The following ATP1A1 variants were observed in gnomAD, a reference collection of about 807,000 sequenced individuals.
ATP1A1 encodes the protein ATPase Na+/K+ transporting subunit alpha 1, also known as sodium/potassium-transporting ATPase subunit alpha-1.
A neutral mutation model predicts 114.8 loss-of-function variants in ATP1A1; 14 were observed. That is an observed-to-expected ratio of 0.12 (90% CI 0.08 to 0.19). The LOEUF is 0.19. Among genes scored for constraint, ATP1A1 ranks in the 10% least tolerant of loss-of-function variants. ATP1A1 has a pLI of 1.00. For missense variants in ATP1A1, 524 were observed against 1,290.7 expected, an observed-to-expected ratio of 0.41 and a Z score of 9.10; for synonymous variants, 471 against 466.3, an observed-to-expected ratio of 1.01 and a Z score of -0.13.
At chr1:116,402,731 C>CT (rs1163956152) in intron 21 of ATP1A1, among the ~76,000 whole-genome samples, 1 of 152,244 alleles carries the variant, frequency 6.6e-6, no homozygotes, top group African/African-American at 2.4e-5. Context: ...TCTGTTCCCT[C>CT]TTACCCTGCC....
At chr1:116,383,769 G>A (rs1425199002) in intron 1 of ATP1A1, among the ~76,000 whole-genome samples, 1 of 152,212 alleles carries the variant, frequency 6.6e-6, no homozygotes, top group Non-Finnish European at 1.5e-5. Context: ...AAGCCTACCG[G>A]TAGCTTCAGT....
chr1:116,387,086 A>G lies in ATP1A1; in HGVS notation c.184-202A>G, dbSNP rs755064514. ...TGGGTGTTATGAGTTCCTTGGGCCTATTGTTTGCCTGAACCCTGTGGGGAC... is the reference window on the plus strand; with the variant it reads ...TGGGTGTTATGAGTTCCTTGGGCCTGTTGTTTGCCTGAACCCTGTGGGGAC... On this transcript the variant is annotated intron_variant, in intron 3 of 22. Coordinates refer to ENST00000295598, the MANE Select transcript of ATP1A1 (RefSeq NM_000701.8). This position sits in a 1 kb window ranked among gnomAD's most constrained non-coding sequence, Gnocchi z 6.7. Among the ~76,000 whole-genome samples the G allele has an allele frequency of 1.3e-5, 2 of 152,162 alleles. No individual in the cohort carries two copies. The highest frequency in any genetic ancestry group is 2.4e-5 in the African/African-American group (1 of 41,432).
intron 3 of ATP1A1, chr1:116,386,156 AAGGAG>A (rs1652072030): frequency 2.9e-5 from 4 of 137,914 alleles, no homozygotes; most frequent in Non-Finnish European, 6.4e-5. Flanking sequence ...AAAAAAAAAA[AAGGAG>A]AGAAGAACAA....
At chr1:116,396,802 C>A in intron 14 of ATP1A1, 68 bp downstream of exon 14, 2 of 1,483,602 alleles carry the variant, frequency 1.3e-6, no homozygotes, top group Non-Finnish European at 1.8e-6. Flanking sequence ...AAATCTTCAG[C>A]GTGGTTCTAT....
At position 116,397,757 on chromosome 1, in the gene ATP1A1, A is replaced by C; in HGVS notation, c.1974-131A>C. ...AAGTACTGAACACTTAATAGCTTTTATGTGCTGGGGAAAATTCCTTCTTTG... is the reference window on the plus strand; with the variant it reads ...AAGTACTGAACACTTAATAGCTTTTCTGTGCTGGGGAAAATTCCTTCTTTG... On this transcript the variant is annotated intron_variant, in intron 14 of 22. Transcript: ENST00000295598. The surrounding 1 kb of genome is among the most constrained non-coding windows in gnomAD (Gnocchi z 4.2). 1 of 1,155,552 alleles carries C rather than the reference A, an allele frequency of 8.7e-7. No homozygotes were observed. Among genetic ancestry groups the C allele is most frequent in the Non-Finnish European group, 1.2e-6 (1 of 824,874 alleles). 71.6% of individuals were successfully genotyped at this position (1,155,552 alleles called of 1,614,324 possible).
At chr1:116,374,299 C>T in intron 1 of ATP1A1, 2 of 1,551,160 alleles carry the variant, frequency 1.3e-6, no homozygotes, top group East Asian at 2.4e-5. Flanking sequence ...GCACCGATGG[C>T]AACTGGAGTT....
intron 18 of ATP1A1, among the ~76,000 whole-genome samples, chr1:116,400,328 G>C (rs1006439383): frequency 2.0e-5 from 3 of 152,214 alleles, no homozygotes; most frequent in Non-Finnish European, 4.4e-5. Flanking sequence ...GAGGAAGGAA[G>C]ACTAGGTCTC....
At position 116,384,261 on chromosome 1, in the gene ATP1A1, C is replaced by T. The variant is rs1048943896; in HGVS notation, c.123+137C>T. ...AGCAGCTGTACAGATCTCATCTAGT[C>T]GTAGAGGTTAATGTTGAACATATAC... On this transcript the variant is annotated intron_variant, in intron 2 of 22. Coordinates refer to ENST00000295598, the MANE Select transcript of ATP1A1 (RefSeq NM_000701.8). The surrounding 1 kb of genome is among the most constrained non-coding windows in gnomAD (Gnocchi z 5.1). The T allele has an allele frequency of 8.5e-6, 6 of 709,298 alleles. No homozygotes were observed. The highest frequency in any genetic ancestry group is 1.4e-5 in the Non-Finnish European group (6 of 435,642). 43.9% of individuals were successfully genotyped at this position (709,298 alleles called of 1,614,324 possible). A position where few individuals can be genotyped will look rare whatever the true frequency, so the allele number is the denominator to read the frequency against.
intron 9 of ATP1A1, 146 bp downstream of exon 9, chr1:116,390,557 TAGTGAAG>T (rs2101047125): frequency 2.2e-6 from 2 of 923,606 alleles, no homozygotes; most frequent in Non-Finnish European, 3.2e-6. Context: ...TTTTATCATT[TAGTGAAG>T]AGTCAAGGGT....
chr1:116,392,763 G>C, intron 10 of ATP1A1, 91 bp from the exon 11 acceptor site: 2 of 1,468,086 alleles, frequency 1.4e-6, no homozygotes, highest in Non-Finnish European at 1.9e-6. Flanking sequence ...TGACAAGATT[G>C]GAATGTGTCT....
intron 10 of ATP1A1, 115 bp downstream of exon 10, chr1:116,391,006 C>CTCCAGGTGTTCTA: frequency 2.3e-6 from 2 of 874,858 alleles, no homozygotes; most frequent in Non-Finnish European, 3.7e-6. Context: ...CTGTAGAACA[C>CTCCAGGTGTTCTA]CTGGAGTGGT....
In ATP1A1 at chr1:116,384,196, T is replaced by C; in HGVS notation, c.123+72T>C. ...TGATTTTTAATCCCCCAGGCCTCAC[T>C]GTATTCTTCAAAGAACTGCTATATA... On this transcript the variant is annotated intron_variant, in intron 2 of 22. Transcript: ENST00000295598. This position sits in a 1 kb window ranked among gnomAD's most constrained non-coding sequence, Gnocchi z 5.1. 1.2e-5 allele frequency: 15 copies of C among 1,258,354 alleles called. No homozygotes were observed. The highest frequency in any genetic ancestry group is 1.7e-5 in the Non-Finnish European group (15 of 882,448). 77.9% of individuals were successfully genotyped at this position (1,258,354 alleles called of 1,614,324 possible). A position where few individuals can be genotyped will look rare whatever the true frequency, so the allele number is the denominator to read the frequency against.
In ATP1A1 at chr1:116,385,030, T is replaced by A. The variant is rs1651992932; in HGVS notation, c.183+188T>A. 1.7e-6 allele frequency: 1 copy of A among 593,562 alleles called. No individual in the cohort carries two copies. Among genetic ancestry groups the A allele is most frequent in the African/African-American group, 2.0e-5 (1 of 51,068 alleles). 36.8% of individuals were successfully genotyped at this position (593,562 alleles called of 1,614,324 possible). ...CTACCGTTTCTTTTCCCTGAAACTT[T>A]TTGAAAGTAGATGTTATTTTCTTTT... On this transcript the variant is annotated intron_variant, in intron 3 of 22. Transcript: ENST00000295598. The surrounding 1 kb of genome is among the most constrained non-coding windows in gnomAD (Gnocchi z 4.3).
intron 1 of ATP1A1, 151 bp downstream of exon 1, chr1:116,373,674 C>T (rs1278121026): frequency 1.9e-6 from 2 of 1,045,738 alleles, no homozygotes; most frequent in African/African-American, 3.4e-5. Flanking sequence ...GCTTAAAAGA[C>T]GACGCAGTTT....
Position 116,389,807 on chromosome 1 carries a change from T to C in ATP1A1, c.1023+100T>C. ...AAGGTATTGCCAACTTATGTTTTAT[T>C]CTGGATGTTTGATATAGTTCTTCTT... On this transcript the variant is annotated intron_variant, in intron 8 of 22. Coordinates refer to ENST00000295598, the MANE Select transcript of ATP1A1 (RefSeq NM_000701.8). The surrounding 1 kb of genome is among the most constrained non-coding windows in gnomAD (Gnocchi z 6.9). 6.7e-7 allele frequency: 1 copy of C among 1,487,260 alleles called. No individual in the cohort carries two copies. 92.1% of individuals were successfully genotyped at this position (1,487,260 alleles called of 1,614,324 possible).
In ATP1A1 at chr1:116,393,084, G is replaced by A; in HGVS notation, c.1467+96G>A. ...GAAGAGGAAATATTCTCCCTTTGGA[G>A]TTTTATAAGCTTTAGCTTTAAATTT... On this transcript the variant is annotated intron_variant, in intron 11 of 22. Coordinates refer to ENST00000295598, the MANE Select transcript of ATP1A1 (RefSeq NM_000701.8). This position sits in a 1 kb window ranked among gnomAD's most constrained non-coding sequence, Gnocchi z 5.0. 1 of 1,528,058 alleles carries A rather than the reference G, an allele frequency of 6.5e-7. No homozygotes were observed. Among genetic ancestry groups the A allele is most frequent in the Admixed American group, 2.0e-5 (1 of 50,534 alleles). The allele number at this position is 1,528,058 out of a possible 1,614,324, so 94.7% of individuals were successfully genotyped here. A position where few individuals can be genotyped will look rare whatever the true frequency, so the allele number is the denominator to read the frequency against.
chr1:116,390,444 C>G, intron 9 of ATP1A1, 33 bp downstream of exon 9: 1 of 1,568,260 alleles, frequency 6.4e-7, no homozygotes. Flanking sequence ...CCTCAGCCAC[C>G]TGCTGACTTC....
At position 116,388,072 on chromosome 1, in the gene ATP1A1, T is replaced by C. The variant is rs1413706831; in HGVS notation, c.388-59T>C. 9.0e-7 allele frequency: 1 copy of C among 1,113,180 alleles called. No individual in the cohort carries two copies. The highest frequency in any genetic ancestry group is 1.3e-6 in the Non-Finnish European group (1 of 753,688). The allele number at this position is 1,113,180 out of a possible 1,614,324, so 69.0% of individuals were successfully genotyped here. On this transcript the variant is annotated intron_variant, in intron 4 of 22. Transcript: ENST00000295598. The surrounding 1 kb of genome is among the most constrained non-coding windows in gnomAD (Gnocchi z 5.6). ...GTTTTTTATTCAGTCAAAAAATTAA[T>C]TGAATGTCCCTAATTATTGTGTAGA... is the stretch of plus-strand genomic sequence containing the variant.
intron 13 of ATP1A1, among the ~76,000 whole-genome samples, chr1:116,396,276 CTTTTTTT>C (rs367825500): frequency 4.9e-5 from 5 of 102,656 alleles, no homozygotes; most frequent in Admixed American, 1.9e-4. Flanking sequence ...GATTTTTATC[CTTTTTTT>C]TTTTTTTTTT....
Sources: allele counts gnomAD v4.1 joint callset (sites outside exome capture counted in the v4.1 genomes callset), GRCh38; gene constraint gnomAD v4.1.1; non-coding constraint Gnocchi (gnomAD v3.1); transcripts MANE v1.5; gene names NCBI Gene and HGNC (gene_info 2026-07-23, HGNC 2026-07-21).